SPICE1: variants seen among roughly 807,000 people sequenced by gnomAD.
The protein encoded by SPICE1 is spindle and centriole-associated protein 1.
In SPICE1, 75 loss-of-function variants were observed where a neutral mutation model predicts 102.7. The ratio of observed to expected loss-of-function variants is 0.73; its 90% CI spans 0.61 to 0.88. The LOEUF is 0.88. Among genes scored for constraint, SPICE1 ranks in the 40% least tolerant of loss-of-function variants. SPICE1 has a pLI of 0.00. For synonymous variants in SPICE1, 308 were observed against 350.3 expected, an observed-to-expected ratio of 0.88 and a Z score of 1.35; for missense variants, 979 against 1,020.1, an observed-to-expected ratio of 0.96 and a Z score of 0.55.
At chr3:113,459,639 T>TG in intron 12 of SPICE1, 1 of 962,232 alleles carries the variant, frequency 1.0e-6, no homozygotes, top group Non-Finnish European at 1.2e-6. Flanking sequence ...ATCCCAACAC[T>TG]TTGGGAGGCC....
rs748673141 is a variant in SPICE1 at position 113,450,519 on chromosome 3, T to C, written c.2143-3A>G. On this transcript the variant is annotated splice_polypyrimidine_tract_variant and splice_region_variant and intron_variant, in intron 14 of 17. Transcript: ENST00000295872. ...AGAGACTGTGCTACTGGAAAAGTCTTTGGGAGAAAAAAAAAAAAAGTACAA... is the reference window on the plus strand; with the variant it reads ...AGAGACTGTGCTACTGGAAAAGTCTCTGGGAGAAAAAAAAAAAAAGTACAA... The C allele has an allele frequency of 2.6e-6, 4 of 1,567,340 alleles. No homozygotes were observed. The highest frequency in any genetic ancestry group is 3.4e-6 in the Non-Finnish European group (4 of 1,161,416).
Position 113,457,354 on chromosome 3 carries a change from C to T in SPICE1, c.1439G>A (p.Arg480His), listed in dbSNP as rs369709225. 2.0e-5 allele frequency: 32 copies of T among 1,613,882 alleles called. No individual in the cohort carries two copies. Among genetic ancestry groups the T allele is most frequent in the Middle Eastern group, 1.6e-4 (1 of 6,084 alleles). ...TGAGACATTGGCATTTACAACTGGA[C>T]GCTCTGAAGAAGATGAGAGGATATT... ...TGRRVMDSPE[R>H]PVVNANVSVP... is the part of the protein sequence containing the mutation. Residue 480 changes from arginine to histidine, a missense_variant, in exon 13 of 18, where the codon CGT (arginine) becomes CAT (histidine). Transcript: ENST00000295872.
intron 13 of SPICE1, among the ~76,000 whole-genome samples, chr3:113,456,058 G>A (rs1294667796): frequency 2.6e-5 from 4 of 152,082 alleles, no homozygotes; most frequent in Non-Finnish European, 5.9e-5. Flanking sequence ...AACAATAAAC[G>A]GGCCAAGATA....
intron 11 of SPICE1, among the ~76,000 whole-genome samples, chr3:113,465,358 A>G (rs1936027988): frequency 6.6e-6 from 1 of 152,214 alleles, no homozygotes; most frequent in Admixed American, 6.5e-5. Context: ...CTCATTTCAC[A>G]TTTTGGATTA....
intron 7 of SPICE1, among the ~76,000 whole-genome samples, chr3:113,487,333 T>C (rs1159056788): frequency 2.0e-5 from 3 of 152,100 alleles, no homozygotes; most frequent in Non-Finnish European, 2.9e-5. Flanking sequence ...TAGTGTTAAA[T>C]TGGACTTAGA....
At chr3:113,496,957 G>A (rs561301594) in intron 4 of SPICE1, among the ~76,000 whole-genome samples, 1 of 152,334 alleles carries the variant, frequency 6.6e-6, no homozygotes, top group Admixed American at 6.5e-5. Flanking sequence ...AAGACAATCT[G>A]TGGGTAACTG....
Position 113,503,197 on chromosome 3 carries a change from C to A in SPICE1, c.130G>T (p.Ala44Ser). The A allele has an allele frequency of 6.2e-7, 1 of 1,603,104 alleles. No homozygotes were observed. Among genetic ancestry groups the A allele is most frequent in the Non-Finnish European group, 8.5e-7 (1 of 1,176,320 alleles). Reference sequence around the variant, plus strand: ...AAACTCACCAGATCTTCGGGAGTTGCCCGATGAACGGTTAGATCAGTCACG... The same window carrying A: ...AAACTCACCAGATCTTCGGGAGTTGACCGATGAACGGTTAGATCAGTCACG... ...NTVTDLTVHR[A>S]TPEDLVRRHE... Residue 44 changes from alanine (A) to serine (S), a missense_variant, in exon 3 of 18, where the codon GCA (alanine) becomes TCA (serine). Transcript: ENST00000295872.
At chr3:113,469,563 T>C (rs1936149008) in intron 7 of SPICE1, among the ~76,000 whole-genome samples, 1 of 147,920 alleles carries the variant, frequency 6.8e-6, no homozygotes, top group Admixed American at 6.8e-5. Context: ...TATATGTATA[T>C]TATATTAATT....
intron 12 of SPICE1, chr3:113,459,430 T>TA: frequency 1.8e-5 from 17 of 953,754 alleles, no homozygotes; most frequent in Non-Finnish European, 2.1e-5. Flanking sequence ...TAAAAAAAAT[T>TA]AAAAACAAAA....
chr3:113,471,345 A>C (rs1279767758), intron 7 of SPICE1, among the ~76,000 whole-genome samples: 3 of 152,210 alleles, frequency 2.0e-5, no homozygotes, highest in Non-Finnish European at 4.4e-5. Flanking sequence ...TATAAGAAAC[A>C]GACAGAGGAA....
At chr3:113,492,656 A>G (rs929390993) in intron 6 of SPICE1, among the ~76,000 whole-genome samples, 3 of 152,226 alleles carry the variant, frequency 2.0e-5, no homozygotes, top group Admixed American at 6.5e-5. Context: ...GGAATTTTAC[A>G]TAACTTTTCG....
Position 113,514,974 on chromosome 3 carries a change from A to G in SPICE1, c.-78T>C. ...CCAACCGGGCGCCTGGATCCCAGGC[A>G]ACAGACAGATGCCACCACCGTTCTC... On this transcript the variant is annotated 5_prime_UTR_variant, in exon 1 of 18. Coordinates refer to ENST00000295872, the MANE Select transcript of SPICE1 (RefSeq NM_144718.4). 9.6e-6 allele frequency: 6 copies of G among 626,452 alleles called. No homozygotes were observed. Among genetic ancestry groups the G allele is most frequent in the African/African-American group, 2.0e-5 (1 of 51,280 alleles). 38.8% of individuals were successfully genotyped at this position (626,452 alleles called of 1,614,324 possible).
intron 7 of SPICE1, among the ~76,000 whole-genome samples, chr3:113,475,218 C>G (rs1463548959): frequency 1.3e-5 from 2 of 152,190 alleles, no homozygotes; most frequent in Non-Finnish European, 2.9e-5. Flanking sequence ...CATACATCCT[C>G]CCAAGACTAA....
intron 11 of SPICE1, among the ~76,000 whole-genome samples, chr3:113,463,002 C>T (rs1007780078): frequency 1.3e-5 from 2 of 152,140 alleles, no homozygotes; most frequent in Admixed American, 1.3e-4. Flanking sequence ...TCCTTGATGA[C>T]TCTAAGCTCA....
At chr3:113,502,722 A>G (rs1202995462) in intron 3 of SPICE1, among the ~76,000 whole-genome samples, 1 of 151,584 alleles carries the variant, frequency 6.6e-6, no homozygotes, top group Admixed American at 6.6e-5. Flanking sequence ...TAGGATTTGA[A>G]CTAGGATAAG....
rs781463244 is a variant in SPICE1 at position 113,460,641 on chromosome 3, C to G, written c.1411G>C (p.Gly471Arg). ...CCTGGACTGTCCATAACTCTTCTAC[C>G]TGTGGCTCCGCTTTCTGATGCCTGA... ...EIQASESGAT[G>R]RRVMDSPERP... The change falls in exon 12 of 18, where the codon GGT becomes CGT. Residue 471 changes from glycine to arginine, a missense_variant. Transcript: ENST00000295872. 6.2e-7 allele frequency: 1 copy of G among 1,613,242 alleles called. No homozygotes were observed. The highest frequency in any genetic ancestry group is 2.2e-5 in the East Asian group (1 of 44,866).
intron 3 of SPICE1, among the ~76,000 whole-genome samples, chr3:113,500,550 A>G (rs1253653489): frequency 6.6e-6 from 1 of 152,158 alleles, no homozygotes; most frequent in East Asian, 1.9e-4. Flanking sequence ...AAAAAATGCA[A>G]ACTGAATATG....
At chr3:113,488,616 T>C (rs146212477) in intron 7 of SPICE1, among the ~76,000 whole-genome samples, 4 of 151,830 alleles carry the variant, frequency 2.6e-5, no homozygotes, top group Non-Finnish European at 4.4e-5. Context: ...GGGCGGGAGG[T>C]AGGTGCGGAA....
intron 1 of SPICE1, among the ~76,000 whole-genome samples, chr3:113,512,743 T>C (rs936350585): frequency 6.6e-6 from 1 of 152,076 alleles, no homozygotes; most frequent in Non-Finnish European, 1.5e-5. Flanking sequence ...ACAGGCTCTA[T>C]TGTCCTCCTC....
Sources: allele counts gnomAD v4.1 joint callset (sites outside exome capture counted in the v4.1 genomes callset), GRCh38; gene constraint gnomAD v4.1.1; transcripts MANE v1.5; gene names NCBI Gene and HGNC (gene_info 2026-07-23, HGNC 2026-07-21).